Variants in SCUBE2 observed in about 807,000 individuals in gnomAD.
SCUBE2 encodes signal peptide, CUB domain and EGF like domain containing 2, also known as signal peptide, CUB and EGF-like domain-containing protein 2.
SCUBE2 carries 114 observed loss-of-function variants against 125.9 expected under a neutral mutation model. That is an observed-to-expected ratio of 0.91 (90% CI 0.78 to 1.06). The LOEUF (loss-of-function observed/expected upper bound fraction) is 1.06, where lower values mean the gene tolerates loss of function less well. Among genes scored for constraint, SCUBE2 ranks in the 50% least tolerant of loss-of-function variants. The pLI, the probability that SCUBE2 is intolerant of heterozygous loss-of-function variation, is 0.00. For missense variants in SCUBE2, 1,255 were observed against 1,301.8 expected (o/e 0.96, Z 0.55); for synonymous variants, 459 against 492.9 (o/e 0.93, Z 0.91).
chr11:9,054,717 A>T (rs1340692897), intron 10 of SCUBE2, among the ~76,000 whole-genome samples: 9 of 65,952 alleles, frequency 1.4e-4, no homozygotes, highest in East Asian at 1.2e-3. Flanking sequence ...ATATATATAT[A>T]TATATATATT....
intron 21 of SCUBE2, chr11:9,024,417 T>C: frequency 7.8e-7 from 1 of 1,287,380 alleles, no homozygotes; most frequent in Non-Finnish European, 1.0e-6. Flanking sequence ...CAGGCATCTG[T>C]AGGACAAAGA....
chr11:9,046,192 T>G (rs1857736024), intron 16 of SCUBE2, among the ~76,000 whole-genome samples: 1 of 151,786 alleles, frequency 6.6e-6, no homozygotes, highest in African/African-American at 2.4e-5. Context: ...ATTTTTTTAG[T>G]AGAGGCGGGG....
intron 5 of SCUBE2, 52 bp from the exon 6 acceptor site, chr11:9,066,865 G>C (rs182700373): frequency 2.1e-6 from 3 of 1,433,162 alleles, no homozygotes; most frequent in Non-Finnish European, 3.0e-6. Context: ...CACAAACACA[G>C]GGCTGTGTTT....
At chr11:9,052,616 G>A (rs1162859708) in intron 13 of SCUBE2, 130 bp downstream of exon 13, 8 of 664,522 alleles carry the variant, frequency 1.2e-5, no homozygotes, top group Admixed American at 5.5e-5. Context: ...ACAACACCCT[G>A]GAACATGCTC....
chr11:9,051,774 C>T (rs988624177), intron 13 of SCUBE2, among the ~76,000 whole-genome samples: 1 of 152,202 alleles, frequency 6.6e-6, no homozygotes, highest in Admixed American at 6.5e-5. Context: ...AAATGTTTAG[C>T]TCCTTGCCTG....
intron 13 of SCUBE2, among the ~76,000 whole-genome samples, chr11:9,052,298 AG>A (rs1406827059): frequency 6.6e-6 from 1 of 152,264 alleles, no homozygotes; most frequent in Non-Finnish European, 1.5e-5. Context: ...GGGAGGACAC[AG>A]CCTCCTAAAA....
chr11:9,022,240 T>A (rs1855364070), intron 21 of SCUBE2, among the ~76,000 whole-genome samples: 1 of 152,182 alleles, frequency 6.6e-6, no homozygotes, highest in African/African-American at 2.4e-5. Flanking sequence ...CAGGTCCATC[T>A]TCTCTCCCCA....
chr11:9,054,698 A>ACAATATATATATATATATATATATATAT (rs1564822811), intron 10 of SCUBE2, among the ~76,000 whole-genome samples: 1 of 61,226 alleles, frequency 1.6e-5, no homozygotes, highest in Non-Finnish European at 2.7e-5. Context: ...GCAAAGCACT[A>ACAATATATATATATATATATATATATAT]GTGTATATAT....
At chr11:9,037,584 T>C (rs1328238664) in intron 16 of SCUBE2, among the ~76,000 whole-genome samples, 1 of 152,224 alleles carries the variant, frequency 6.6e-6, no homozygotes, top group Non-Finnish European at 1.5e-5. Flanking sequence ...AGAAGAGCCA[T>C]AAGCAGCCCA....
At chr11:9,090,147 TGCACACATCA>T (rs1371535117) in intron 1 of SCUBE2, among the ~76,000 whole-genome samples, 1 of 152,222 alleles carries the variant, frequency 6.6e-6, no homozygotes, top group Non-Finnish European at 1.5e-5. Context: ...TGGCTTTGCA[TGCACACATCA>T]GGCAGGGTTG....
At chr11:9,044,695 G>A (rs549786081) in intron 16 of SCUBE2, among the ~76,000 whole-genome samples, 22 of 152,218 alleles carry the variant, frequency 1.4e-4, no homozygotes, top group East Asian at 1.4e-3. Context: ...CCCTGGTTTC[G>A]AGTTCCCTCT....
intron 2 of SCUBE2, among the ~76,000 whole-genome samples, chr11:9,081,954 T>A (rs956857139): frequency 6.6e-6 from 1 of 152,216 alleles, no homozygotes; most frequent in Non-Finnish European, 1.5e-5. Flanking sequence ...CACCAACAGG[T>A]GCACAAAGCT....
intron 2 of SCUBE2, among the ~76,000 whole-genome samples, chr11:9,085,980 G>A (rs568617271): frequency 1.8e-3 from 277 of 151,892 alleles, no homozygotes; most frequent in African/African-American, 6.4e-3. Flanking sequence ...CTATAGGCAC[G>A]CACCACTACA....
chr11:9,087,687 G>A (rs1862224745), intron 2 of SCUBE2, among the ~76,000 whole-genome samples: 1 of 152,168 alleles, frequency 6.6e-6, no homozygotes, highest in African/African-American at 2.4e-5. Flanking sequence ...CCCAAGGGGT[G>A]TCACCAGATC....
At chr11:9,086,590 C>T (rs929467039) in intron 2 of SCUBE2, among the ~76,000 whole-genome samples, 17 of 151,906 alleles carry the variant, frequency 1.1e-4, no homozygotes, top group Non-Finnish European at 2.5e-4. Context: ...CAGTGGCTCA[C>T]GCCTATAATC....
intron 7 of SCUBE2, among the ~76,000 whole-genome samples, chr11:9,062,314 A>G (rs1312499418): frequency 6.6e-6 from 1 of 152,250 alleles, no homozygotes; most frequent in Non-Finnish European, 1.5e-5. Context: ...CCAAGCCTAC[A>G]GGCAGGTGGT....
intron 5 of SCUBE2, 104 bp downstream of exon 5, chr11:9,069,266 C>A (rs1590123365): frequency 2.0e-6 from 3 of 1,483,940 alleles, no homozygotes; most frequent in East Asian, 2.3e-5. Context: ...GCCTTCCCTG[C>A]TGCTGCAGCC....
chr11:9,055,311 G>A (rs1292099873), intron 10 of SCUBE2, among the ~76,000 whole-genome samples: 1 of 152,212 alleles, frequency 6.6e-6, no homozygotes, highest in African/African-American at 2.4e-5. Flanking sequence ...AGAGTGGAGA[G>A]AGAAACTTCA....
intron 2 of SCUBE2, among the ~76,000 whole-genome samples, chr11:9,080,858 C>T (rs973383728): frequency 6.6e-6 from 1 of 151,704 alleles, no homozygotes; most frequent in Non-Finnish European, 1.5e-5. Flanking sequence ...AATCACACAC[C>T]TTATAAAGAA....
Sources: gnomAD v4.1 joint callset for allele counts (sites outside exome capture counted in the v4.1 genomes callset) on GRCh38, gnomAD v4.1.1 for gene constraint, MANE v1.5 for transcripts, NCBI Gene and HGNC (gene_info 2026-07-23, HGNC 2026-07-21) for gene names.